The following DGKK variants were observed in gnomAD, a reference collection of about 807,000 sequenced individuals.
The protein encoded by DGKK is diacylglycerol kinase kappa.
A neutral mutation model predicts 92.2 loss-of-function variants in DGKK; 35 were observed. The ratio of observed to expected loss-of-function variants is 0.38; its 90% CI spans 0.29 to 0.50. The LOEUF is 0.50. DGKK is among the 20% of genes least tolerant of loss of function. The pLI is 0.92. For missense variants in DGKK, 910 were observed against 992.2 expected (o/e 0.92, Z 1.11); for synonymous variants, 368 against 360.6 (o/e 1.02, Z -0.23).
chrX:50,399,238 C>CTGTGTGTG (rs5902471), intron 8 of DGKK, among the ~76,000 whole-genome samples: 1 of 106,292 alleles, frequency 9.4e-6, no homozygotes, highest in East Asian at 3.0e-4. Flanking sequence ...TCTAGAGTGG[C>CTGTGTGTG]TGTGTGTGTG....
intron 1 of DGKK, among the ~76,000 whole-genome samples, chrX:50,460,226 T>C (rs1926710414): frequency 9.0e-6 from 1 of 111,727 alleles, no homozygotes; most frequent in Admixed American, 9.5e-5. Flanking sequence ...AGCTTAACAA[T>C]TTTTGCTCAG....
chrX:50,443,704 TTGTGTGTGTGTGTGTGTGTG>T (rs58486620), intron 1 of DGKK, among the ~76,000 whole-genome samples: 1 of 99,559 alleles, frequency 1.0e-5, no homozygotes, highest in Admixed American at 1.1e-4. Context: ...TGCACTCATT[TTGTGTGTGTGTGTGTGTGTG>T]TGTGTGTGTG....
intron 1 of DGKK, among the ~76,000 whole-genome samples, chrX:50,468,857 T>TTG (rs145971796): frequency 0.3 from 30,658 of 102,850 alleles, 3,760 homozygotes; most frequent in Middle Eastern, 0.4. Context: ...TGTTATTCGT[T>TTG]TGTGTGTGTG....
At chrX:50,460,860 C>T (rs1467687579) in intron 1 of DGKK, among the ~76,000 whole-genome samples, 1 of 108,585 alleles carries the variant, frequency 9.2e-6, no homozygotes, top group Non-Finnish European at 1.9e-5. Context: ...TAGCATAATG[C>T]TGTAACTTCT....
At position 50,379,732 on chromosome X, in the gene DGKK, A is replaced by G; in HGVS notation, c.2757T>C (p.Cys919=). ...RKLEERVHLE[C]DGETISLPNL... is the part of the protein sequence containing the mutation. Reference sequence around the variant, plus strand: ...TTGGCAAGGAGATGGTTTCTCCATCACACTGAAAGAAAAGAGTAGCTCTCA... The same window carrying G: ...TTGGCAAGGAGATGGTTTCTCCATCGCACTGAAAGAAAAGAGTAGCTCTCA... Residue 919 remains cysteine (C), a splice_region_variant and synonymous_variant, in exon 20 of 28, where the codon TGT becomes TGC. Transcript: ENST00000611977. The G allele has an allele frequency of 8.3e-7, 1 of 1,198,693 alleles. No individual in the cohort carries two copies. The highest frequency in any genetic ancestry group is 1.8e-5 in the South Asian group (1 of 56,636).
chrX:50,402,150 A>G (rs12558957), intron 7 of DGKK, among the ~76,000 whole-genome samples: 36,696 of 111,165 alleles, frequency 0.33, 4,525 homozygotes, highest in Admixed American at 0.44. Flanking sequence ...GCTTATGCTC[A>G]TAAGTCCAGC....
chrX:50,392,316 T>G (rs1167212078), intron 10 of DGKK, 25 bp downstream of exon 10: 1 of 1,153,131 alleles, frequency 8.7e-7, no homozygotes, highest in African/African-American at 1.8e-5. Context: ...TAGCAATGGC[T>G]AAACTGAGTC....
At chrX:50,384,138 C>T in intron 17 of DGKK, 30 bp downstream of exon 17, 1 of 938,912 alleles carries the variant, frequency 1.1e-6, no homozygotes, top group Non-Finnish European at 1.5e-6. Flanking sequence ...AGAAAGAAGC[C>T]ATTAAAAGGT....
intron 7 of DGKK, among the ~76,000 whole-genome samples, chrX:50,401,505 TAAC>T: frequency 9.0e-6 from 1 of 111,575 alleles, no homozygotes; most frequent in Non-Finnish European, 1.9e-5. Flanking sequence ...TCAATCCTTA[TAAC>T]AACAGGTGTG....
At chrX:50,433,055 G>T (rs782369472) in intron 1 of DGKK, among the ~76,000 whole-genome samples, 12 of 111,721 alleles carry the variant, frequency 1.1e-4, no homozygotes, top group African/African-American at 3.2e-4. Context: ...TGCTGAGCCC[G>T]CCCAGAACTA....
chrX:50,446,269 T>C (rs1926304948), intron 1 of DGKK, among the ~76,000 whole-genome samples: 1 of 111,527 alleles, frequency 9.0e-6, no homozygotes, highest in African/African-American at 3.3e-5. Context: ...GGATGTCCTT[T>C]ATTTCTTTCT....
At chrX:50,372,811 G>GAT (rs782294932) in intron 25 of DGKK, among the ~76,000 whole-genome samples, 15 of 112,135 alleles carry the variant, frequency 1.3e-4, no homozygotes, top group Non-Finnish European at 2.1e-4. Flanking sequence ...GATGGGCAAA[G>GAT]ATATCTTCAG....
In DGKK at chrX:50,422,562, G is replaced by A. The variant is rs141254455; in HGVS notation, c.757-36C>T. ...ATAAGACAGAGAGGGACAAGGAACC[G>A]TCTGGTTAATGATGCAAAGAGACAT... On this transcript the variant is annotated intron_variant, in intron 2 of 27. Coordinates refer to ENST00000611977, the MANE Select transcript of DGKK (RefSeq NM_001013742.4). 460 of 1,068,526 alleles carry A rather than the reference G, an allele frequency of 4.3e-4. 1 individual carries two copies. Among genetic ancestry groups the A allele is most frequent in the African/African-American group, 5.6e-4 (29 of 52,169 alleles). The allele number at this position is 1,068,526 out of a possible 1,213,427, so 88.1% of individuals were successfully genotyped here.
intron 13 of DGKK, 22 bp downstream of exon 13, chrX:50,388,505 T>C: frequency 8.5e-7 from 1 of 1,170,103 alleles, no homozygotes; most frequent in African/African-American, 1.8e-5. Context: ...CCCCAAAGGA[T>C]GAGAGCCAAA....
At chrX:50,459,767 G>C (rs1557233171) in intron 1 of DGKK, among the ~76,000 whole-genome samples, 2 of 111,382 alleles carry the variant, frequency 1.8e-5, no homozygotes, top group Non-Finnish European at 3.8e-5. Flanking sequence ...TCCGAATTCT[G>C]GGTAAGAGAA....
rs782418085 is a variant in DGKK at position 50,371,816 on chromosome X, C to T, written c.3520G>A (p.Glu1174Lys). The T allele has an allele frequency of 3.3e-6, 4 of 1,197,037 alleles. No homozygotes were observed. The South Asian group carries it at 5.4e-5, about 16-fold the overall frequency. Residue 1174 changes from glutamate to lysine, a missense_variant, in exon 26 of 28, where the codon GAG becomes AAG. Glu to Lys is a moderately conservative substitution (Grantham distance 56). Coordinates refer to ENST00000611977, the MANE Select transcript of DGKK (RefSeq NM_001013742.4). ...DEKLLRSAED[E>K]TALQSALDAM... ...TCCAGGGCGCTTTGTAGTGCAGTCT[C>T]ATCCTCAGCACTTCTCAGCTGGTAC...
chrX:50,390,998 T>C (rs1348540956), intron 11 of DGKK, among the ~76,000 whole-genome samples: 7 of 112,032 alleles, frequency 6.2e-5, no homozygotes, highest in Non-Finnish European at 1.3e-4. Context: ...GAGAATATGC[T>C]TAAACAGATC....
chrX:50,463,180 T>G (rs782405589), intron 1 of DGKK, among the ~76,000 whole-genome samples: 4 of 107,745 alleles, frequency 3.7e-5, no homozygotes, highest in African/African-American at 1.3e-4. Flanking sequence ...ATAATCCCTT[T>G]GTTAATTTTC....
rs782520677 is a variant in DGKK at position 50,403,447 on chromosome X, G to A, written c.1185+44C>T. On this transcript the variant is annotated intron_variant, in intron 6 of 27. Transcript: ENST00000611977. ...CCCCCTGTGTATCCTGGTTGAAGGG[G>A]ACATGGGAGAGGCCGACTGTGGGAA... 3.3e-5 allele frequency: 36 copies of A among 1,107,183 alleles called. No homozygotes were observed. In the East Asian group the frequency reaches 1.1e-3, roughly 32 times the overall value. The allele number at this position is 1,107,183 out of a possible 1,213,427, so 91.2% of individuals were successfully genotyped here.
Sources: gnomAD v4.1 joint callset for allele counts (sites outside exome capture counted in the v4.1 genomes callset) on GRCh38, gnomAD v4.1.1 for gene constraint, MANE v1.5 for transcripts, NCBI Gene and HGNC (gene_info 2026-07-23, HGNC 2026-07-21) for gene names.